FBXL13: variants seen among roughly 807,000 people sequenced by gnomAD.
The protein encoded by FBXL13 is F-box and leucine-rich repeat protein 13.
Under a neutral mutation model 83.6 loss-of-function variants are expected in FBXL13, and 67 were observed. That is an observed-to-expected ratio of 0.80 (90% confidence interval 0.66 to 0.98). The LOEUF (loss-of-function observed/expected upper bound fraction) is 0.98. Ranked by LOEUF, FBXL13 falls within the 50% of genes least tolerant of loss-of-function variation. The probability of loss-of-function intolerance (pLI) is 0.00; values close to 1 mark genes in which losing one functional copy is unlikely to be tolerated. For synonymous variants in FBXL13, 272 were observed against 299.5 expected (o/e 0.91, Z 0.95); for missense variants, 822 against 866.5 (o/e 0.95, Z 0.64).
intron 8 of FBXL13, among the ~76,000 whole-genome samples, chr7:102,953,183 G>T (rs1451301634): frequency 1.3e-5 from 2 of 152,228 alleles, no homozygotes; most frequent in African/African-American, 4.8e-5. Flanking sequence ...TGACAAGGAA[G>T]CCAAAGACAT....
chr7:103,051,479 C>G (rs1303194219), intron 2 of FBXL13, among the ~76,000 whole-genome samples: 1 of 152,138 alleles, frequency 6.6e-6, no homozygotes, highest in Non-Finnish European at 1.5e-5. Context: ...GAGAGCTTAC[C>G]CACGATCCCC....
chr7:102,903,007 C>T (rs1194936836), intron 11 of FBXL13, among the ~76,000 whole-genome samples: 1 of 151,946 alleles, frequency 6.6e-6, no homozygotes, highest in Non-Finnish European at 1.5e-5. Flanking sequence ...CTGTAGATTG[C>T]TTTGGGTAGT....
chr7:103,062,902 T>C (rs1212917170), intron 1 of FBXL13, among the ~76,000 whole-genome samples: 1 of 152,222 alleles, frequency 6.6e-6, no homozygotes, highest in Non-Finnish European at 1.5e-5. Context: ...AACTAGCACG[T>C]GGTAGAGACC....
chr7:102,831,058 CCT>C (rs1800582658), intron 18 of FBXL13, among the ~76,000 whole-genome samples: 3 of 152,066 alleles, frequency 2.0e-5, no homozygotes, highest in African/African-American at 7.2e-5. Context: ...GGGAACCACC[CCT>C]GTCAGTCATT....
chr7:102,972,846 C>T (rs1336802851), intron 6 of FBXL13, among the ~76,000 whole-genome samples: 1 of 151,704 alleles, frequency 6.6e-6, no homozygotes, highest in East Asian at 1.9e-4. Flanking sequence ...TTTTTTATTC[C>T]TAAAAATGCT....
rs564499095 is a variant in FBXL13 at position 103,021,483 on chromosome 7, G to A, written c.495+3580C>T. 2.6e-5 allele frequency among the ~76,000 whole-genome samples: 4 copies of A among 152,276 alleles called. No individual in the cohort carries two copies. The East Asian group carries it at 7.7e-4, about 29-fold the overall frequency. ...ACACCAAAAGCCAAAATTGACAAAT[G>A]GGATCTAATTAAACTGAAGAGTTTC... is the stretch of plus-strand genomic sequence containing the variant. On this transcript the variant is annotated intron_variant, in intron 6 of 19. Coordinates refer to ENST00000313221, the Ensembl canonical transcript of FBXL13.
intron 16 of FBXL13, among the ~76,000 whole-genome samples, chr7:102,869,507 T>C (rs962697045): frequency 2.0e-5 from 3 of 152,204 alleles, no homozygotes; most frequent in Admixed American, 6.5e-5. Context: ...TTTTTTTCTT[T>C]TGTTGCCTGT....
At chr7:102,820,439 C>T (rs1359149767) in intron 19 of FBXL13, among the ~76,000 whole-genome samples, 6 of 152,202 alleles carry the variant, frequency 3.9e-5, no homozygotes. Flanking sequence ...AGCTAGTAGT[C>T]AAGTCTTACT....
At chr7:102,846,975 T>C (rs527793558) in intron 17 of FBXL13, among the ~76,000 whole-genome samples, 92 of 152,128 alleles carry the variant, frequency 6.0e-4, no homozygotes, top group Non-Finnish European at 9.1e-4. Flanking sequence ...TTTTGAATGG[T>C]TGAAAAAAAA....
intron 11 of FBXL13, among the ~76,000 whole-genome samples, chr7:102,904,245 T>C (rs1327752063): frequency 1.3e-5 from 2 of 152,090 alleles, no homozygotes; most frequent in African/African-American, 2.4e-5. Context: ...GTCTAGGAAT[T>C]TGTCCCTTTC....
chr7:102,904,781 T>C (rs1813493655), intron 11 of FBXL13, among the ~76,000 whole-genome samples: 2 of 152,284 alleles, frequency 1.3e-5, no homozygotes, highest in East Asian at 3.9e-4. Context: ...TTGCTTTTGC[T>C]GTATCCCATA....
intron 6 of FBXL13, among the ~76,000 whole-genome samples, chr7:102,992,218 G>T (rs1218619548): frequency 6.6e-6 from 1 of 152,064 alleles, no homozygotes; most frequent in East Asian, 1.9e-4. Flanking sequence ...GGCTTGCAGT[G>T]GTCCCTCACT....
chr7:102,904,039 C>T lies in FBXL13; in HGVS notation c.1008+9047G>A, dbSNP rs951811291. On this transcript the variant is annotated intron_variant, in intron 11 of 19. Transcript: ENST00000313221. The stretch of plus-strand genomic sequence containing the variant: ...TAGTTTGGAAGTACTCTTTCTTCCT[C>T]TACTTTTCAGAATAGTTTGAGTAGG... Among the ~76,000 whole-genome samples the T allele has an allele frequency of 2.8e-5, 4 of 141,268 alleles. No individual in the cohort carries two copies. The East Asian group carries it at 9.1e-4, about 32-fold the overall frequency. 92.7% of individuals were successfully genotyped at this position (141,268 alleles called of 152,430 possible).
chr7:102,932,686 C>CCAGGCT (rs1819452176), intron 8 of FBXL13, among the ~76,000 whole-genome samples: 1 of 144,424 alleles, frequency 6.9e-6, no homozygotes, highest in African/African-American at 2.5e-5. Context: ...CCTCAACCTC[C>CCAGGCT]CAGGCTCAGG....
At chr7:102,863,999 C>T (rs150291082) in intron 16 of FBXL13, among the ~76,000 whole-genome samples, 173 of 152,234 alleles carry the variant, frequency 1.1e-3, no homozygotes, top group African/African-American at 4.0e-3. Flanking sequence ...ATTGCAATTG[C>T]TCATCCTTTC....
chr7:102,964,309 T>TC (rs946894827), intron 7 of FBXL13, among the ~76,000 whole-genome samples: 2 of 87,820 alleles, frequency 2.3e-5, no homozygotes, highest in Non-Finnish European at 5.6e-5. Context: ...AAACTCCAAC[T>TC]CAAAAAAAAA....
intron 6 of FBXL13, among the ~76,000 whole-genome samples, chr7:102,997,233 G>T (rs1193763256): frequency 6.6e-6 from 1 of 152,124 alleles, no homozygotes; most frequent in East Asian, 1.9e-4. Context: ...TTTTATTATA[G>T]ATCTGCACCA....
Position 102,960,389 on chromosome 7 carries a change from G to A in FBXL13, c.724+3144C>T, listed in dbSNP as rs575466314. ...TCCAGGACCAGATGGATTCACAGCC[G>A]AATTCTACCAGAGGTACAAGGAGAA... On this transcript the variant is annotated intron_variant, in intron 8 of 19. Transcript: ENST00000313221. Among the ~76,000 whole-genome samples the A allele has an allele frequency of 1.6e-4, 25 of 152,056 alleles. No individual in the cohort carries two copies. In the South Asian group the frequency reaches 3.5e-3, roughly 22 times the overall value.
At chr7:102,977,967 C>T (rs7798582) in intron 6 of FBXL13, among the ~76,000 whole-genome samples, 27,703 of 151,806 alleles carry the variant, frequency 0.18, 2,580 homozygotes, top group African/African-American at 0.22. Context: ...GGAGAGGGGA[C>T]GGATAGCATT....
Sources: gnomAD v4.1 joint callset for allele counts (sites outside exome capture counted in the v4.1 genomes callset) on GRCh38, gnomAD v4.1.1 for gene constraint, MANE v1.5 for transcripts, NCBI Gene and HGNC (gene_info 2026-07-23, HGNC 2026-07-21) for gene names.